The following FHIT variants were observed in gnomAD, a reference collection of about 807,000 sequenced individuals.
FHIT encodes the protein bis(5'-adenosyl)-triphosphatase.
Under a neutral mutation model 17.9 loss-of-function variants are expected in FHIT, and 19 were observed. That is an observed-to-expected ratio of 1.06 (90% CI 0.74 to 1.56). FHIT has a LOEUF of 1.56. FHIT is among the 40% of genes most tolerant of loss of function. FHIT has a pLI of 0.00. For synonymous variants in FHIT, 81 were observed against 69.7 expected, an observed-to-expected ratio of 1.16 and a Z score of -0.81; for missense variants, 248 against 189.2, an observed-to-expected ratio of 1.31 and a Z score of -1.82.
chr3:60,391,298 A>G (rs1217801197), intron 5 of FHIT, among the ~76,000 whole-genome samples: 2 of 152,160 alleles, frequency 1.3e-5, no homozygotes, highest in African/African-American at 2.4e-5. Flanking sequence ...ATTTTTGTTT[A>G]TTTATTTTCT....
At chr3:60,425,944 G>T (rs991634905) in intron 5 of FHIT, among the ~76,000 whole-genome samples, 2 of 152,092 alleles carry the variant, frequency 1.3e-5, no homozygotes, top group African/African-American at 4.8e-5. Context: ...CTCACCACCT[G>T]GCTGGGGAAT....
intron 4 of FHIT, among the ~76,000 whole-genome samples, chr3:60,576,716 T>C (rs2037577419): frequency 6.6e-6 from 1 of 152,134 alleles, no homozygotes; most frequent in Admixed American, 6.6e-5. Flanking sequence ...ATTCTCTGCC[T>C]GGCACATTTC....
intron 2 of FHIT, among the ~76,000 whole-genome samples, chr3:61,051,450 A>T (rs915528869): frequency 7.2e-5 from 11 of 152,024 alleles, no homozygotes; most frequent in African/African-American, 2.7e-4. Context: ...AGGCTTCACC[A>T]TGTTGCCCAG....
chr3:60,679,173 T>C (rs1553696165), intron 4 of FHIT, among the ~76,000 whole-genome samples: 3 of 152,092 alleles, frequency 2.0e-5, no homozygotes, highest in East Asian at 1.9e-4. Flanking sequence ...TGCTTACATA[T>C]AGAAATCTGC....
chr3:60,527,156 A>G (rs241704), intron 5 of FHIT, among the ~76,000 whole-genome samples: 93,049 of 151,972 alleles, frequency 0.61, 28,757 homozygotes, highest in East Asian at 0.73. Context: ...CTGAACTTCA[A>G]TTACATTACT....
chr3:60,645,269 T>C (rs1553686456), intron 4 of FHIT, among the ~76,000 whole-genome samples: 1 of 152,086 alleles, frequency 6.6e-6, no homozygotes, highest in Non-Finnish European at 1.5e-5. Flanking sequence ...TATTGGCCAC[T>C]TCGCAAGCAG....
rs370416354 is a variant in FHIT at position 60,003,798 on chromosome 3, A to T, written c.279+7573T>A. Among the ~76,000 whole-genome samples, 38 of 151,954 alleles carry T rather than the reference A, an allele frequency of 2.5e-4. No individual in the cohort carries two copies. In the East Asian group the frequency reaches 3.9e-3, roughly 15 times the overall value. On this transcript the variant is annotated intron_variant, in intron 7 of 9. Coordinates refer to ENST00000492590, the MANE Select transcript of FHIT (RefSeq NM_002012.4). ...ATCTACTGAGGTTGAATTGGCCACT[A>T]ATATTTAATCAAAAGTACTGAATCT...
intron 7 of FHIT, among the ~76,000 whole-genome samples, chr3:59,957,870 G>A (rs1279457498): frequency 4.6e-5 from 7 of 152,146 alleles, no homozygotes; most frequent in Non-Finnish European, 5.9e-5. Context: ...TCCATACTCA[G>A]TAAACAAATA....
intron 2 of FHIT, among the ~76,000 whole-genome samples, chr3:61,131,385 T>G (rs1026123305): frequency 5.9e-5 from 9 of 152,216 alleles, no homozygotes; most frequent in South Asian, 2.1e-4. Flanking sequence ...AAAAGGTGGA[T>G]GGGCTAGCAT....
At chr3:60,000,043 C>A (rs142603047) in intron 7 of FHIT, among the ~76,000 whole-genome samples, 6 of 152,292 alleles carry the variant, frequency 3.9e-5, no homozygotes, top group East Asian at 1.9e-4. Context: ...TGCTCTGAGG[C>A]ATGTTGCCCT....
intron 8 of FHIT, among the ~76,000 whole-genome samples, chr3:59,759,558 G>A (rs1379832320): frequency 3.9e-5 from 6 of 152,064 alleles, no homozygotes; most frequent in Admixed American, 2.6e-4. Context: ...CTGAACTAGT[G>A]TGAAAATCAC....
intron 4 of FHIT, among the ~76,000 whole-genome samples, chr3:60,778,336 A>G (rs554397440): frequency 7.7e-4 from 118 of 152,270 alleles, no homozygotes; most frequent in African/African-American, 2.6e-3. Context: ...ATGGTTTATA[A>G]TAAGCTATAG....
chr3:59,811,475 G>A (rs1289501211), intron 8 of FHIT, among the ~76,000 whole-genome samples: 1 of 152,134 alleles, frequency 6.6e-6, no homozygotes, highest in Non-Finnish European at 1.5e-5. Flanking sequence ...AAGAAAAAAT[G>A]TGATTTGTTT....
intron 5 of FHIT, among the ~76,000 whole-genome samples, chr3:60,528,643 T>C (rs2035661503): frequency 6.6e-6 from 1 of 152,218 alleles, no homozygotes; most frequent in South Asian, 2.1e-4. Context: ...ACATGCTTGG[T>C]CTTAGGAATA....
At chr3:59,777,178 GCT>G (rs1376775208) in intron 8 of FHIT, among the ~76,000 whole-genome samples, 2 of 152,018 alleles carry the variant, frequency 1.3e-5, no homozygotes, top group African/African-American at 2.4e-5. Flanking sequence ...TTGATTCTCA[GCT>G]CTCTTACTTT....
At chr3:60,011,138 C>T (rs1385061748) in intron 7 of FHIT, among the ~76,000 whole-genome samples, 1 of 150,402 alleles carries the variant, frequency 6.6e-6, no homozygotes, top group African/African-American at 2.4e-5. Context: ...TCTGTTTTAG[C>T]GTTTGCACAA....
chr3:60,333,114 C>T (rs1710066297), intron 5 of FHIT, among the ~76,000 whole-genome samples: 1 of 152,196 alleles, frequency 6.6e-6, no homozygotes, highest in Non-Finnish European at 1.5e-5. Flanking sequence ...GTATCTCACT[C>T]TCATGACTTA....
At chr3:60,206,147 A>T (rs953003282) in intron 5 of FHIT, among the ~76,000 whole-genome samples, 2 of 126,154 alleles carry the variant, frequency 1.6e-5, no homozygotes, top group Non-Finnish European at 3.2e-5. Flanking sequence ...AAAAAAAAAA[A>T]TAAATAATAA....
intron 3 of FHIT, among the ~76,000 whole-genome samples, chr3:61,007,821 AC>A (rs2107617017): frequency 1.3e-5 from 2 of 152,240 alleles, no homozygotes; most frequent in African/African-American, 4.8e-5. Context: ...CCCTTGAGTG[AC>A]CAGAGCAACA....
Sources: gnomAD v4.1 joint callset for allele counts (sites outside exome capture counted in the v4.1 genomes callset) on GRCh38, gnomAD v4.1.1 for gene constraint, MANE v1.5 for transcripts, NCBI Gene and HGNC (gene_info 2026-07-23, HGNC 2026-07-21) for gene names.